SH3KBP1: variants seen among roughly 807,000 people sequenced by gnomAD.
The protein encoded by SH3KBP1 is SH3 domain containing kinase binding protein 1.
A neutral mutation model predicts 50.1 loss-of-function variants in SH3KBP1; 8 were observed. That is an observed-to-expected ratio of 0.16 (90% confidence interval 0.09 to 0.29). The LOEUF (loss-of-function observed/expected upper bound fraction) is 0.29. Among genes scored for constraint, SH3KBP1 ranks in the 10% least tolerant of loss-of-function variants. SH3KBP1 has a pLI of 1.00. For synonymous variants in SH3KBP1, 227 were observed against 218.6 expected (o/e 1.04, Z -0.34); for missense variants, 377 against 535.2 (o/e 0.70, Z 2.92).
intron 1 of SH3KBP1, 139 bp downstream of exon 1, chrX:19,887,168 G>C: frequency 2.1e-6 from 1 of 468,745 alleles, no homozygotes; most frequent in African/African-American, 2.6e-5. Flanking sequence ...GGGTGCGCGA[G>C]GCAGGCGAGG....
intron 8 of SH3KBP1, among the ~76,000 whole-genome samples, 177 bp from the exon 9 acceptor site, chrX:19,608,222 TA>T (rs2067299062): frequency 9.0e-6 from 1 of 111,288 alleles, no homozygotes; most frequent in Non-Finnish European, 1.9e-5. Flanking sequence ...TAAGTCCGCT[TA>T]ACAATGTCGG....
chrX:19,627,096 C>T (rs912422285), intron 8 of SH3KBP1, among the ~76,000 whole-genome samples: 5 of 112,049 alleles, frequency 4.5e-5, no homozygotes, highest in African/African-American at 1.6e-4. Context: ...CCAAGGAAGC[C>T]TGTTTGATAA....
chrX:19,738,026 A>T (rs184531632), intron 3 of SH3KBP1, among the ~76,000 whole-genome samples: 162 of 112,344 alleles, frequency 1.4e-3, no homozygotes, highest in African/African-American at 5.0e-3. Context: ...GAGAGGTGGA[A>T]CCTGAAGATT....
chrX:19,727,587 G>A (rs185331432), intron 3 of SH3KBP1, among the ~76,000 whole-genome samples: 2 of 112,852 alleles, frequency 1.8e-5, no homozygotes, highest in Admixed American at 9.3e-5. Context: ...TGCGAATAAT[G>A]CTGCTCTGAA....
chrX:19,761,424 GGA>G (rs1468816774), intron 2 of SH3KBP1, among the ~76,000 whole-genome samples: 2 of 105,893 alleles, frequency 1.9e-5, no homozygotes, highest in Admixed American at 1.0e-4. Context: ...AGGAAAGGAG[GGA>G]GAGAGAGAAA....
intron 3 of SH3KBP1, among the ~76,000 whole-genome samples, chrX:19,712,379 T>TA (rs1159774562): frequency 8.9e-6 from 1 of 112,122 alleles, no homozygotes; most frequent in Non-Finnish European, 1.9e-5. Flanking sequence ...ATACATTCAT[T>TA]AAAAAATTCA....
chrX:19,850,470 A>T (rs1267378152), intron 1 of SH3KBP1, among the ~76,000 whole-genome samples: 1 of 111,586 alleles, frequency 9.0e-6, no homozygotes, highest in Non-Finnish European at 1.9e-5. Flanking sequence ...TAAGCTACTT[A>T]AAAAATACAT....
At position 19,592,258 on chromosome X, in the gene SH3KBP1, CCT is replaced by C. The variant is rs1491239688; in HGVS notation, c.1058-113_1058-112del. 36 of 635,631 alleles carry C rather than the reference CCT, an allele frequency of 5.7e-5. No individual in the cohort carries two copies. The Admixed American group carries it at 8.1e-4, about 14-fold the overall frequency. The allele number at this position is 635,631 out of a possible 1,213,427, so 52.4% of individuals were successfully genotyped here. A position where few individuals can be genotyped will look rare whatever the true frequency, so the allele number is the denominator to read the frequency against. ...GAGCAAAGTCAGTAAGATTTTTTCC[CCT>C]GAGTTGGGCGTTAGCATTATCTGGC... On this transcript the variant is annotated intron_variant, in intron 10 of 17. Coordinates refer to ENST00000397821, the MANE Select transcript of SH3KBP1 (RefSeq NM_031892.3).
At chrX:19,833,463 C>T (rs754004638) in intron 2 of SH3KBP1, among the ~76,000 whole-genome samples, 13 of 106,159 alleles carry the variant, frequency 1.2e-4, no homozygotes, top group Non-Finnish European at 2.0e-5. Context: ...TCCTTCCTTC[C>T]CAGGGTCCTC....
chrX:19,871,555 T>C (rs1275912692), intron 1 of SH3KBP1, among the ~76,000 whole-genome samples: 1 of 112,374 alleles, frequency 8.9e-6, no homozygotes, highest in Non-Finnish European at 1.9e-5. Flanking sequence ...GCATCATAAA[T>C]ATTCAACTTA....
At chrX:19,720,481 T>C (rs2064026423) in intron 3 of SH3KBP1, among the ~76,000 whole-genome samples, 1 of 112,325 alleles carries the variant, frequency 8.9e-6, no homozygotes, top group African/African-American at 3.2e-5. Flanking sequence ...AGGGTTTTGT[T>C]TGATCTACTT....
chrX:19,817,745 G>A (rs950213706), intron 2 of SH3KBP1, among the ~76,000 whole-genome samples: 4 of 111,047 alleles, frequency 3.6e-5, no homozygotes, highest in African/African-American at 6.6e-5. Context: ...AGCGATTATC[G>A]TGCCTCAGCC....
chrX:19,615,352 C>T (rs2067576160), intron 8 of SH3KBP1, among the ~76,000 whole-genome samples: 1 of 112,263 alleles, frequency 8.9e-6, no homozygotes, highest in Non-Finnish European at 1.9e-5. Flanking sequence ...GTCCCAATTT[C>T]CCAGAAGTTA....
chrX:19,580,940 C>CT lies in SH3KBP1; in HGVS notation c.1298+7702dup, dbSNP rs907251635. Among the ~76,000 whole-genome samples, 10 of 110,824 alleles carry CT rather than the reference C, an allele frequency of 9.0e-5. No individual in the cohort carries two copies. In the East Asian group the frequency reaches 1.1e-3, roughly 13 times the overall value. On this transcript the variant is annotated intron_variant, in intron 12 of 17. Transcript: ENST00000397821. ...CCAATGGCATCCACCTCTGTAATTG[C>CT]TTTTTTTTCTCTTTTTAATTATTTA...
intron 3 of SH3KBP1, among the ~76,000 whole-genome samples, chrX:19,718,401 G>A (rs757177420): frequency 3.6e-5 from 4 of 111,584 alleles, no homozygotes; most frequent in East Asian, 2.8e-4. Context: ...ATATGTACAC[G>A]GACACACTTG....
chrX:19,676,481 C>T (rs1332199223), intron 6 of SH3KBP1, among the ~76,000 whole-genome samples: 2 of 111,342 alleles, frequency 1.8e-5, no homozygotes, highest in Non-Finnish European at 3.8e-5. Flanking sequence ...TTTAAAATAA[C>T]TTAAAGAGTA....
At chrX:19,607,519 C>A (rs779562204) in intron 9 of SH3KBP1, among the ~76,000 whole-genome samples, 1 of 111,913 alleles carries the variant, frequency 8.9e-6, no homozygotes, top group East Asian at 2.8e-4. Context: ...GATTAACAGG[C>A]CTCGCCCTGC....
At chrX:19,607,575 G>C (rs1414167803) in intron 9 of SH3KBP1, among the ~76,000 whole-genome samples, 1 of 111,972 alleles carries the variant, frequency 8.9e-6, no homozygotes, top group Non-Finnish European at 1.9e-5. Flanking sequence ...CACAACACTG[G>C]CTACTTTCCC....
At chrX:19,580,362 C>G (rs2066331171) in intron 12 of SH3KBP1, among the ~76,000 whole-genome samples, 1 of 107,577 alleles carries the variant, frequency 9.3e-6, no homozygotes, top group Non-Finnish European at 1.9e-5. Context: ...CAATTTCTCA[C>G]AAGACAAGTC....
Sources: gnomAD v4.1 joint callset for allele counts (sites outside exome capture counted in the v4.1 genomes callset) on GRCh38, gnomAD v4.1.1 for gene constraint, MANE v1.5 for transcripts, NCBI Gene and HGNC (gene_info 2026-07-23, HGNC 2026-07-21) for gene names.